Variants in MIA3 observed in about 807,000 individuals in gnomAD.
MIA3 encodes MIA SH3 domain ER export factor 3, also known as transport and Golgi organization protein 1 homolog.
MIA3 carries 90 observed loss-of-function variants against 192.4 expected under a neutral mutation model. The ratio of observed to expected loss-of-function variants is 0.47; its 90% CI spans 0.39 to 0.56. The LOEUF (loss-of-function observed/expected upper bound fraction) is 0.56, where lower values mean the gene tolerates loss of function less well. Among genes scored for constraint, MIA3 ranks in the 20% least tolerant of loss-of-function variants. The pLI is 0.00. For synonymous variants in MIA3, 740 were observed against 792.8 expected, an observed-to-expected ratio of 0.93 and a Z score of 1.12; for missense variants, 2,123 against 2,269.4, an observed-to-expected ratio of 0.94 and a Z score of 1.31.
At chr1:222,654,170 G>A in intron 15 of MIA3, 73 bp from the exon 16 acceptor site, 1 of 1,414,500 alleles carries the variant, frequency 7.1e-7, no homozygotes, top group Non-Finnish European at 9.9e-7. Context: ...TTTAGTTTTG[G>A]GTAAATCAAG....
intron 13 of MIA3, among the ~76,000 whole-genome samples, chr1:222,652,724 A>G (rs1267662308): frequency 6.6e-6 from 1 of 152,234 alleles, no homozygotes; most frequent in Non-Finnish European, 1.5e-5. Context: ...CTTGGGAGAT[A>G]GTAGGATGAG....
Position 222,659,510 on chromosome 1 carries a change from C to A in MIA3, c.4767C>A (p.Asn1589Lys), listed in dbSNP as rs1033350532. 6.2e-7 allele frequency: 1 copy of A among 1,613,676 alleles called. No homozygotes were observed. The highest frequency in any genetic ancestry group is 8.5e-7 in the Non-Finnish European group (1 of 1,179,658). ...ELQKTERSFK[N>K]QIATHEKKAH... ...AGAAGACAGAGCGGTCATTTAAAAA[C>A]CAGGTAATAATTCTAGTGCCCTACT... Residue 1589 changes from asparagine (N) to lysine (K), a missense_variant, in exon 20 of 28, where the codon AAC becomes AAA. Transcript: ENST00000344922.
intron 1 of MIA3, among the ~76,000 whole-genome samples, chr1:222,620,120 C>G (rs1276478208): frequency 6.6e-6 from 1 of 152,210 alleles, no homozygotes; most frequent in Non-Finnish European, 1.5e-5. Flanking sequence ...CTTCAAAAAA[C>G]AAGTAGCCCC....
At chr1:222,665,267 T>TA (rs1237890694) in intron 27 of MIA3, 42 bp from the exon 28 acceptor site, 1 of 1,229,336 alleles carries the variant, frequency 8.1e-7, no homozygotes, top group African/African-American at 1.6e-5. Flanking sequence ...TTAATTTAAA[T>TA]ACGTTCCTAG....
chr1:222,632,763 AC>A (rs1392997320), intron 5 of MIA3, among the ~76,000 whole-genome samples: 1 of 151,928 alleles, frequency 6.6e-6, no homozygotes, highest in Non-Finnish European at 1.5e-5. Flanking sequence ...CCTCTACTTT[AC>A]CCCTCTCTTT....
intron 2 of MIA3, among the ~76,000 whole-genome samples, chr1:222,622,022 T>G (rs182998848): frequency 8.5e-5 from 13 of 152,276 alleles, no homozygotes; most frequent in East Asian, 7.7e-4. Context: ...GTTAGCTAGG[T>G]CTCGATCTCC....
Position 222,665,666 on chromosome 1 carries a change from T to C in MIA3, c.*47T>C, listed in dbSNP as rs773391419. 6 of 1,393,722 alleles carry C rather than the reference T, an allele frequency of 4.3e-6. No individual in the cohort carries two copies. The East Asian group carries it at 1.5e-4, about 36-fold the overall frequency. The allele number at this position is 1,393,722 out of a possible 1,614,324, so 86.3% of individuals were successfully genotyped here. ...ATTGGAAAGAAAGTGTACTGTGCAT[T>C]ATCCATTACAGTAAAGGATTTCATT... is the stretch of plus-strand genomic sequence containing the variant. On this transcript the variant is annotated 3_prime_UTR_variant, in exon 28 of 28. Coordinates refer to ENST00000344922, the MANE Select transcript of MIA3 (RefSeq NM_198551.4).
intron 3 of MIA3, among the ~76,000 whole-genome samples, chr1:222,627,320 C>T (rs1162264298): frequency 6.6e-6 from 1 of 152,164 alleles, no homozygotes; most frequent in Non-Finnish European, 1.5e-5. Context: ...ACTGAGCAAA[C>T]TCACCAGCCA....
intron 18 of MIA3, among the ~76,000 whole-genome samples, chr1:222,656,361 G>C (rs1056854662): frequency 6.6e-6 from 1 of 152,094 alleles, no homozygotes; most frequent in Admixed American, 6.5e-5. Context: ...TCTTTCTGCT[G>C]GTTCTGGAAT....
Position 222,628,629 on chromosome 1 carries a change from G to A in MIA3, c.1409G>A (p.Gly470Glu). ...AEHHIKGKGR[G>E]VQESKRGLVQ... ...CATCACATTAAAGGAAAAGGGAGGG[G>A]AGTTCAGGAATCCAAGAGGGGCCTG... The change falls in exon 4 of 28, where the codon GGA becomes GAA. Residue 470 changes from glycine to glutamate, a missense_variant. Physicochemically the swap from Gly to Glu is moderately conservative, Grantham distance 98 (BLOSUM62 -2). Around this residue, in one of 3 missense-constraint regions of MIA3, gnomAD observed 1,357 missense variants for 1,396.1 expected, o/e 0.97. Transcript: ENST00000344922. 6.2e-7 allele frequency: 1 copy of A among 1,613,958 alleles called. No individual in the cohort carries two copies. The highest frequency in any genetic ancestry group is 8.5e-7 in the Non-Finnish European group (1 of 1,179,950).
Position 222,657,559 on chromosome 1 carries a change from T to C in MIA3, c.4608-1163T>C, listed in dbSNP as rs919800204. Among the ~76,000 whole-genome samples the C allele has an allele frequency of 4.0e-4, 61 of 152,224 alleles. 1 individual carries two copies. Among genetic ancestry groups the C allele is most frequent in the African/African-American group, 1.4e-3 (59 of 41,464 alleles). ...CACATTCTTTCTATTTTTGTCCATATGTTCTTATTTTCAGTGTTTGCAGAC... is the reference window on the plus strand; with the variant it reads ...CACATTCTTTCTATTTTTGTCCATACGTTCTTATTTTCAGTGTTTGCAGAC... On this transcript the variant is annotated intron_variant, in intron 18 of 27. Coordinates refer to ENST00000344922, the MANE Select transcript of MIA3 (RefSeq NM_198551.4).
Position 222,666,754 on chromosome 1 carries a change from G to GTGTT in MIA3, c.*1137_*1140dup, listed in dbSNP as rs1386964103. On this transcript the variant is annotated 3_prime_UTR_variant, in exon 28 of 28. Coordinates refer to ENST00000344922, the MANE Select transcript of MIA3 (RefSeq NM_198551.4). ...AATATTAATTAATATTTAAACGTTG[G>GTGTT]TGTTTTTATTTAAAAATCAGTAACT... 7 of 151,990 alleles carry GTGTT rather than the reference G, an allele frequency of 4.6e-5. No individual in the cohort carries two copies. Among genetic ancestry groups the GTGTT allele is most frequent in the Admixed American group, 4.6e-4 (7 of 15,246 alleles). 9.4% of individuals were successfully genotyped at this position (151,990 alleles called of 1,614,324 possible).
At chr1:222,641,961 C>A in intron 6 of MIA3, 2 of 357,802 alleles carry the variant, frequency 5.6e-6, no homozygotes, top group South Asian at 2.2e-5. Context: ...TGCTACTCAG[C>A]AATTAAAAAA....
intron 26 of MIA3, chr1:222,662,608 G>A (rs1255458100): frequency 4.3e-5 from 30 of 691,276 alleles, no homozygotes; most frequent in Non-Finnish European, 5.9e-5. Context: ...CTTGACTTGG[G>A]AGTGTTGCTG....
At position 222,651,957 on chromosome 1, in the gene MIA3, G is replaced by A. The variant is rs777990207; in HGVS notation, c.3910-20G>A. ...ACTAAAATCCTAATATGCATTTTGT[G>A]TTCTGTTTTTACATGGCAGATATCA... On this transcript the variant is annotated intron_variant, in intron 11 of 27. Transcript: ENST00000344922. 1.5e-6 allele frequency: 2 copies of A among 1,374,412 alleles called. No individual in the cohort carries two copies. The allele number at this position is 1,374,412 out of a possible 1,614,324, so 85.1% of individuals were successfully genotyped here.
rs771833020 is a variant in MIA3, at chr1:222,628,402, T to C, written c.1182T>C (p.Gly394=). 5 of 1,613,522 alleles carry C rather than the reference T, an allele frequency of 3.1e-6. No homozygotes were observed. Among genetic ancestry groups the C allele is most frequent in the East Asian group, 2.2e-5 (1 of 44,854 alleles). ...GDTIFSIVTG[G]EETRDTMDLE... ...CTATCTTCTCTATTGTCACAGGAGG[T>C]GAAGAAACAAGAGATACGATGGATT... Residue 394 remains glycine (G), a synonymous_variant, in exon 4 of 28, where the codon GGT becomes GGC. Transcript: ENST00000344922.
intron 24 of MIA3, 101 bp downstream of exon 24, chr1:222,660,415 T>A: frequency 8.4e-7 from 1 of 1,194,558 alleles, no homozygotes; most frequent in Non-Finnish European, 1.1e-6. Flanking sequence ...GTCTGTCCAG[T>A]ATAGAAAAGA....
At chr1:222,633,740 C>T (rs554573271) in intron 6 of MIA3, among the ~76,000 whole-genome samples, 12 of 151,060 alleles carry the variant, frequency 7.9e-5, no homozygotes, top group Non-Finnish European at 7.4e-5. Context: ...GGCAGGGGGG[C>T]GGGCAGCATG....
chr1:222,659,585 T>A (rs770918565), intron 20 of MIA3, 37 bp from the exon 21 acceptor site: 1 of 1,612,640 alleles, frequency 6.2e-7, no homozygotes. Flanking sequence ...TTATAATGAA[T>A]CTGTATGCAT....
Sources: allele counts gnomAD v4.1 joint callset (sites outside exome capture counted in the v4.1 genomes callset), GRCh38; gene constraint gnomAD v4.1.1; regional missense constraint gnomAD v4.1.1; transcripts MANE v1.5; gene names NCBI Gene and HGNC (gene_info 2026-07-23, HGNC 2026-07-21).